ADGRL2: variants seen among roughly 807,000 people sequenced by gnomAD.
ADGRL2 encodes adhesion G protein-coupled receptor L2, also known as calcium-independent alpha-latrotoxin receptor 2.
A neutral mutation model predicts 157.4 loss-of-function variants in ADGRL2; 44 were observed. That is an observed-to-expected ratio of 0.28 (90% CI 0.22 to 0.36). The LOEUF (loss-of-function observed/expected upper bound fraction) is 0.36, where lower values mean the gene tolerates loss of function less well. ADGRL2 is among the 10% of genes least tolerant of loss of function. ADGRL2 has a pLI of 1.00. For missense variants in ADGRL2, 1,510 were observed against 1,768.9 expected (o/e 0.85, Z 2.63); for synonymous variants, 585 against 624.7 (o/e 0.94, Z 0.95).
intron 1 of ADGRL2, among the ~76,000 whole-genome samples, chr1:81,756,264 A>T (rs1039188168): frequency 2.6e-5 from 4 of 152,102 alleles, no homozygotes; most frequent in African/African-American, 9.7e-5. Context: ...AAGTACACTA[A>T]CCTTCTTGAA....
chr1:81,684,888 G>T (rs1418014695), intron 3 of ADGRL2, among the ~76,000 whole-genome samples: 1 of 152,148 alleles, frequency 6.6e-6, no homozygotes, highest in Non-Finnish European at 1.5e-5. Flanking sequence ...TTGTTGAAAA[G>T]GGTGTCCTTT....
In ADGRL2 at chr1:81,925,765, G is replaced by C. The variant is rs1270688224; in HGVS notation, c.288-10963G>C. Among the ~76,000 whole-genome samples the C allele has an allele frequency of 4.0e-5, 6 of 151,810 alleles. No homozygotes were observed. The East Asian group carries it at 7.7e-4, about 20-fold the overall frequency. ...TGTTGCCATGCTGTAATCAAAATGAGGTCTGTAAAAGTGGAAATTATATTA... is the reference window on the plus strand; with the variant it reads ...TGTTGCCATGCTGTAATCAAAATGACGTCTGTAAAAGTGGAAATTATATTA... On this transcript the variant is annotated intron_variant, in intron 3 of 23. Transcript: ENST00000686636.
At chr1:81,629,671 G>A (rs201443336) in intron 3 of ADGRL2, among the ~76,000 whole-genome samples, 109 of 45,302 alleles carry the variant, frequency 2.4e-3, no homozygotes, top group Non-Finnish European at 4.6e-3. Flanking sequence ...ATGTATATGT[G>A]TGTGTGTGTG....
chr1:81,974,955 G>GA (rs894922704), intron 17 of ADGRL2, among the ~76,000 whole-genome samples: 13 of 147,692 alleles, frequency 8.8e-5, no homozygotes, highest in African/African-American at 2.7e-4. Flanking sequence ...CAGTGGGAGA[G>GA]AAAAAAAAAT....
intron 2 of ADGRL2, among the ~76,000 whole-genome samples, chr1:81,774,100 G>C (rs1344550881): frequency 6.6e-6 from 1 of 152,178 alleles, no homozygotes; most frequent in Non-Finnish European, 1.5e-5. Context: ...ATTAGTTTCT[G>C]TTGTTTAAGT....
chr1:81,364,469 T>C lies in ADGRL2; in HGVS notation c.-302+57960T>C, dbSNP rs1010678112. On this transcript the variant is annotated intron_variant, in intron 1 of 24. Transcript: ENST00000370721. ...GGGTAGGTACGGAAGGTTAACTCTG[T>C]TGTCTGAACCCAACCATTCCTGACA... 2.5e-4 allele frequency among the ~76,000 whole-genome samples: 38 copies of C among 151,970 alleles called. 2 individuals carry two copies. Among genetic ancestry groups the C allele is most frequent in the Admixed American group, 6.6e-5 (1 of 15,234 alleles).
rs1194892734 is a variant in ADGRL2 at position 81,629,606 on chromosome 1, G to C, written c.-143+48626G>C. On this transcript the variant is annotated intron_variant, in intron 3 of 24. Coordinates refer to the ADGRL2 transcript ENST00000370721. ...TACTGTTTCCTTATCAAATAGAATA[G>C]TGCTTGGATCATAACAGGCAACAGA... is the stretch of plus-strand genomic sequence containing the variant. Among the ~76,000 whole-genome samples the C allele has an allele frequency of 2.0e-5, 3 of 151,974 alleles. No individual in the cohort carries two copies. The East Asian group carries it at 5.8e-4, about 29-fold the overall frequency.
At chr1:81,876,219 A>G (rs949199167) in intron 2 of ADGRL2, among the ~76,000 whole-genome samples, 10 of 152,154 alleles carry the variant, frequency 6.6e-5, no homozygotes, top group African/African-American at 2.4e-4. Flanking sequence ...AGTGGAATTA[A>G]GGTTGGTTTT....
At chr1:81,307,581 A>T in intron 1 of ADGRL2, among the ~76,000 whole-genome samples, 1 of 152,186 alleles carries the variant, frequency 6.6e-6, no homozygotes, top group African/African-American at 2.4e-5. Flanking sequence ...GAAGGATTTG[A>T]CATGTGGCTA....
At chr1:81,985,074 C>T (rs3790872) in intron 20 of ADGRL2, among the ~76,000 whole-genome samples, 185 bp from the exon 21 acceptor site, 32,853 of 151,746 alleles carry the variant, frequency 0.22, 4,079 homozygotes, top group East Asian at 0.6. Flanking sequence ...GATTAAATGC[C>T]CCTTAGTTGC....
At chr1:81,890,535 G>A (rs1489076226) in intron 2 of ADGRL2, among the ~76,000 whole-genome samples, 1 of 152,140 alleles carries the variant, frequency 6.6e-6, no homozygotes, top group Admixed American at 6.6e-5. Context: ...GGGGGTCGGG[G>A]AGAATTTGGA....
intron 2 of ADGRL2, among the ~76,000 whole-genome samples, chr1:81,865,546 TA>T (rs2093517085): frequency 6.6e-6 from 1 of 152,236 alleles, no homozygotes; most frequent in Non-Finnish European, 1.5e-5. Flanking sequence ...CTTAATTTAT[TA>T]TGTTTTCTCA....
intron 2 of ADGRL2, among the ~76,000 whole-genome samples, chr1:81,860,369 G>T (rs902995307): frequency 3.3e-5 from 5 of 151,914 alleles, no homozygotes; most frequent in African/African-American, 1.2e-4. Flanking sequence ...TAGAGACAGG[G>T]TTTCTCTATG....
chr1:81,675,647 T>C (rs1311965951), intron 3 of ADGRL2, among the ~76,000 whole-genome samples: 1 of 151,928 alleles, frequency 6.6e-6, no homozygotes, highest in African/African-American at 2.4e-5. Context: ...AGTGGTGTGA[T>C]CTTGGCTCAC....
At chr1:81,937,636 CT>C (rs983158731) in intron 4 of ADGRL2, among the ~76,000 whole-genome samples, 2 of 151,626 alleles carry the variant, frequency 1.3e-5, no homozygotes, top group African/African-American at 2.4e-5. Context: ...TTGTTGTCTT[CT>C]TTGCTTTTTA....
chr1:81,509,579 C>G (rs2079039210), intron 2 of ADGRL2, among the ~76,000 whole-genome samples: 1 of 152,144 alleles, frequency 6.6e-6, no homozygotes. Context: ...ATCATATTAC[C>G]AGATTCCTAA....
At chr1:81,414,537 T>C (rs1438622445) in intron 1 of ADGRL2, among the ~76,000 whole-genome samples, 1 of 152,116 alleles carries the variant, frequency 6.6e-6, no homozygotes, top group African/African-American at 2.4e-5. Context: ...GATGTGCTGG[T>C]GGGTGGTGCA....
chr1:81,850,098 A>G (rs1170943156), intron 2 of ADGRL2, among the ~76,000 whole-genome samples: 2 of 151,972 alleles, frequency 1.3e-5, no homozygotes, highest in Non-Finnish European at 2.9e-5. Flanking sequence ...CACCTTTACC[A>G]GAATGAAAGC....
chr1:81,691,966 C>A (rs2083348942), intron 3 of ADGRL2, among the ~76,000 whole-genome samples: 1 of 146,888 alleles, frequency 6.8e-6, no homozygotes, highest in Admixed American at 6.9e-5. Context: ...ACACACAAAG[C>A]CATTTTCATA....
Sources: allele counts gnomAD v4.1 joint callset (sites outside exome capture counted in the v4.1 genomes callset), GRCh38; gene constraint gnomAD v4.1.1; transcripts MANE v1.5; gene names NCBI Gene and HGNC (gene_info 2026-07-23, HGNC 2026-07-21).